The following BTG4 variants were observed in gnomAD, a reference collection of about 807,000 sequenced individuals.
BTG4 encodes the protein BTG anti-proliferation factor 4.
Under a neutral mutation model 19.3 loss-of-function variants are expected in BTG4, and 10 were observed. The ratio of observed to expected loss-of-function variants is 0.52; its 90% CI spans 0.32 to 0.88. The LOEUF is 0.88. BTG4 is among the 40% of genes least tolerant of loss of function. BTG4 has a pLI of 0.04. For missense variants in BTG4, 238 were observed against 281.9 expected, an observed-to-expected ratio of 0.84 and a Z score of 1.11; for synonymous variants, 91 against 95.7, an observed-to-expected ratio of 0.95 and a Z score of 0.29.
At chr11:111,504,318 T>G (rs1367413434) in intron 1 of BTG4, among the ~76,000 whole-genome samples, 1 of 152,096 alleles carries the variant, frequency 6.6e-6, no homozygotes, top group Non-Finnish European at 1.5e-5. Context: ...TGAAACAAAA[T>G]TGCATTTCCC....
chr11:111,449,010 C>T, the BTG4 span, among the ~76,000 whole-genome samples: 2 of 152,258 alleles, frequency 1.3e-5, no homozygotes, highest in East Asian at 3.9e-4. Flanking sequence ...CGATCACTTC[C>T]AAAACACATC....
At chr11:111,423,664 T>C in the BTG4 span, among the ~76,000 whole-genome samples, 140,175 of 152,294 alleles carry the variant, frequency 0.92, 64,849 homozygotes, top group East Asian at 1. Flanking sequence ...TAATATAACA[T>C]GCTTGGTTCT....
chr11:111,438,828 T>C, the BTG4 span, among the ~76,000 whole-genome samples: 24,917 of 152,146 alleles, frequency 0.16, 2,140 homozygotes, highest in South Asian at 0.25. Flanking sequence ...TCCCTGGATA[T>C]GTGAACCTCC....
intron 1 of BTG4, among the ~76,000 whole-genome samples, chr11:111,506,762 A>G (rs530972058): frequency 6.6e-6 from 1 of 152,276 alleles, no homozygotes; most frequent in South Asian, 2.1e-4. Flanking sequence ...ATACAATTAG[A>G]ATATAGAATA....
At chr11:111,384,412 A>G in the BTG4 span, among the ~76,000 whole-genome samples, 124 of 152,332 alleles carry the variant, frequency 8.1e-4, no homozygotes, top group African/African-American at 2.9e-3. Context: ...AAACTTTAAA[A>G]CAACTAATAC....
chr11:111,470,705 C>A (rs1247575354), intron 5 of BTG4, among the ~76,000 whole-genome samples: 2 of 152,014 alleles, frequency 1.3e-5, no homozygotes, highest in African/African-American at 4.8e-5. Flanking sequence ...TCACTTGAGC[C>A]CAGGAGTCTG....
At chr11:111,400,349 A>G in the BTG4 span, among the ~76,000 whole-genome samples, 2 of 152,332 alleles carry the variant, frequency 1.3e-5, no homozygotes, top group South Asian at 4.1e-4. Flanking sequence ...TTGCATCTGT[A>G]GTACTGGAGT....
At chr11:111,497,539 C>A (rs900237937) in intron 3 of BTG4, 130 bp from the exon 4 acceptor site, 1 of 516,838 alleles carries the variant, frequency 1.9e-6, no homozygotes, top group South Asian at 5.8e-5. Flanking sequence ...GACATTATGA[C>A]CTTCACCTAC....
At chr11:111,407,759 G>A in the BTG4 span, among the ~76,000 whole-genome samples, 1 of 152,198 alleles carries the variant, frequency 6.6e-6, no homozygotes. Flanking sequence ...AAAACACTAC[G>A]AGCAGATACT....
the BTG4 span, among the ~76,000 whole-genome samples, chr11:111,445,429 T>C: frequency 6.6e-6 from 1 of 152,176 alleles, no homozygotes; most frequent in Non-Finnish European, 1.5e-5. Context: ...CTTTTCAGCC[T>C]GTGTGGGCTG....
the BTG4 span, chr11:111,435,140 A>G: frequency 2.0e-5 from 3 of 152,194 alleles, no homozygotes; most frequent in East Asian, 5.8e-4. Context: ...CAAGTTCTCA[A>G]AGCAAACAGA....
chr11:111,479,411 A>G (rs1378579909), intron 5 of BTG4, among the ~76,000 whole-genome samples: 1 of 152,066 alleles, frequency 6.6e-6, no homozygotes, highest in Non-Finnish European at 1.5e-5. Flanking sequence ...GGAGTATAAG[A>G]CGAGCCTGGA....
exon 6 of BTG4, chr11:111,467,627 G>T (rs746965581): frequency 1.3e-6 from 1 of 760,660 alleles, no homozygotes; most frequent in Non-Finnish European, 2.4e-6. Context: ...GCCTTCCAAG[G>T]TGCCTTCTTC....
At chr11:111,405,176 C>A in the BTG4 span, among the ~76,000 whole-genome samples, 8 of 151,964 alleles carry the variant, frequency 5.3e-5, no homozygotes, top group Non-Finnish European at 1.2e-4. Context: ...GAGGCCGAGG[C>A]GGGTGGATCA....
chr11:111,421,428 C>A, the BTG4 span, among the ~76,000 whole-genome samples: 1 of 152,296 alleles, frequency 6.6e-6, no homozygotes, highest in East Asian at 1.9e-4. Flanking sequence ...GCAAGCACAG[C>A]TAGTCAACCG....
At chr11:111,398,541 C>T in the BTG4 span, among the ~76,000 whole-genome samples, 2 of 152,050 alleles carry the variant, frequency 1.3e-5, no homozygotes, top group African/African-American at 4.8e-5. Flanking sequence ...GCATGCTCTG[C>T]CTCCTGGGTT....
intron 1 of BTG4, among the ~76,000 whole-genome samples, chr11:111,505,924 A>C (rs1401909290): frequency 1.3e-5 from 2 of 152,174 alleles, no homozygotes; most frequent in African/African-American, 4.8e-5. Flanking sequence ...CCACATTGAG[A>C]TACCATCTCA....
At chr11:111,471,421 T>C (rs1045128675) in intron 5 of BTG4, among the ~76,000 whole-genome samples, 1 of 152,148 alleles carries the variant, frequency 6.6e-6, no homozygotes, top group African/African-American at 2.4e-5. Context: ...CAGAGAACAG[T>C]CCATTTTCTG....
the BTG4 span, among the ~76,000 whole-genome samples, chr11:111,392,167 T>TTC: frequency 8.1e-6 from 1 of 123,474 alleles, no homozygotes; most frequent in Non-Finnish European, 1.7e-5. Context: ...TCCTGTGATT[T>TTC]TCTTTTTTTT....
Sources: allele counts gnomAD v4.1 joint callset (sites outside exome capture counted in the v4.1 genomes callset), GRCh38; gene constraint gnomAD v4.1.1; transcripts MANE v1.5; gene names NCBI Gene and HGNC (gene_info 2026-07-23, HGNC 2026-07-21).